Variants in ELP1 observed in about 807,000 individuals in gnomAD.
ELP1 encodes the protein elongator acetyltransferase complex subunit 1, also known as elongator complex protein 1.
A neutral mutation model predicts 183.2 loss-of-function variants in ELP1; 131 were observed. The observed-to-expected ratio is 0.72, with a 90% CI of 0.62 to 0.83. The LOEUF (loss-of-function observed/expected upper bound fraction) is 0.83. Ranked by LOEUF, ELP1 falls within the 40% of genes least tolerant of loss-of-function variation. The probability of loss-of-function intolerance (pLI) is 0.00; values close to 1 mark genes in which losing one functional copy is unlikely to be tolerated. For missense variants in ELP1, 1,550 were observed against 1,594.9 expected, an observed-to-expected ratio of 0.97 and a Z score of 0.48; for synonymous variants, 555 against 569.0, an observed-to-expected ratio of 0.98 and a Z score of 0.35.
chr9:108,895,013 G>A (rs906525079), intron 25 of ELP1, among the ~76,000 whole-genome samples: 8 of 152,132 alleles, frequency 5.3e-5, no homozygotes, highest in Admixed American at 3.3e-4. Flanking sequence ...CTGGGAGGCC[G>A]AGGCAGATGG....
chr9:108,896,579 C>A lies in ELP1; in HGVS notation c.2653G>T (p.Val885Leu). The change falls in exon 25 of 37, where the codon GTA becomes TTA. Residue 885 changes from valine (V) to leucine (L), a missense_variant. Val to Leu is a conservative substitution (Grantham distance 32, BLOSUM62 1). Coordinates refer to ENST00000374647, the MANE Select transcript of ELP1 (RefSeq NM_003640.5). ...TGATCATATAATTCATTAACATCTA[C>A]CAGATGCAGCAAATATTTCAAGGCC... is the stretch of plus-strand genomic sequence containing the variant. Reference protein sequence around the residue: ...EEALKYLLHLVDVNELYDHSL... With the variant: ...EEALKYLLHLLDVNELYDHSL... 5 of 1,613,570 alleles carry A rather than the reference C, an allele frequency of 3.1e-6. No homozygotes were observed. Among genetic ancestry groups the A allele is most frequent in the Non-Finnish European group, 4.2e-6 (5 of 1,179,494 alleles).
intron 6 of ELP1, among the ~76,000 whole-genome samples, chr9:108,922,128 T>C (rs190889687): frequency 1.3e-5 from 2 of 152,364 alleles, no homozygotes; most frequent in East Asian, 3.9e-4. Flanking sequence ...AGGGTAAATA[T>C]GGCACATCTT....
In ELP1 at chr9:108,879,519, A is replaced by G; in HGVS notation, c.3499T>C (p.Ser1167Pro). The change falls in exon 33 of 37, where the codon TCT (serine) becomes CCT (proline). Residue 1167 changes from serine to proline, a missense_variant. Ser to Pro is a moderately conservative substitution (Grantham distance 74). Transcript: ENST00000374647. ...CCACTCACGACACTGCTAGTTTCAG[A>G]GAAGAGGTCTGACTCTTGCCCGTGG... is the stretch of plus-strand genomic sequence containing the variant. ...VPHGQESDLF[S>P]ETSSVVSGSE... 7 of 1,614,166 alleles carry G rather than the reference A, an allele frequency of 4.3e-6. No individual in the cohort carries two copies. The highest frequency in any genetic ancestry group is 5.9e-6 in the Non-Finnish European group (7 of 1,180,004).
chr9:108,897,731 A>G (rs540924902), intron 22 of ELP1, among the ~76,000 whole-genome samples: 37 of 152,362 alleles, frequency 2.4e-4, no homozygotes, highest in Non-Finnish European at 2.8e-4. Context: ...TAAAAAATTC[A>G]GAAGAGTAGT....
intron 3 of ELP1, 110 bp downstream of exon 3, chr9:108,929,659 A>G: frequency 1.8e-6 from 2 of 1,096,024 alleles, no homozygotes; most frequent in South Asian, 2.7e-5. Context: ...GCAAAAATTA[A>G]TTAGCAAAAG....
intron 15 of ELP1, 73 bp downstream of exon 15, chr9:108,903,490 T>A (rs1271729710): frequency 2.0e-5 from 21 of 1,032,088 alleles, no homozygotes; most frequent in African/African-American, 1.6e-5. Context: ...ACTGACAAGA[T>A]ACAAGTACAT....
chr9:108,882,234 G>A, intron 29 of ELP1, 47 bp from the exon 30 acceptor site: 1 of 1,558,634 alleles, frequency 6.4e-7, no homozygotes, highest in Non-Finnish European at 8.8e-7. Flanking sequence ...GAGCATGTCA[G>A]ATGTCATCAC....
At chr9:108,899,162 G>A (rs919803150) in intron 20 of ELP1, among the ~76,000 whole-genome samples, 1 of 151,876 alleles carries the variant, frequency 6.6e-6, no homozygotes, top group Non-Finnish European at 1.5e-5. Context: ...AATTAGCCAG[G>A]CGTGGTGCAC....
intron 29 of ELP1, among the ~76,000 whole-genome samples, chr9:108,885,745 T>C (rs1828100313): frequency 6.6e-6 from 1 of 152,190 alleles, no homozygotes; most frequent in Non-Finnish European, 1.5e-5. Context: ...CTCTGTTCCA[T>C]TTTTTCCCAA....
chr9:108,868,485 A>G lies in ELP1; in HGVS notation c.*630T>C. On this transcript the variant is annotated 3_prime_UTR_variant, in exon 37 of 37. Transcript: ENST00000374647. ...AGAAATTCTAATCTGTTCTAGCTCT[A>G]ACATTGCTAACTCTCTAGCAGAAAA... is the stretch of plus-strand genomic sequence containing the variant. 5.2e-6 allele frequency: 2 copies of G among 383,952 alleles called. No homozygotes were observed. Among genetic ancestry groups the G allele is most frequent in the Non-Finnish European group, 4.6e-6 (1 of 215,988 alleles). The allele number at this position is 383,952 out of a possible 1,614,324, so 23.8% of individuals were successfully genotyped here.
At chr9:108,872,005 T>C (rs1327232848) in intron 36 of ELP1, among the ~76,000 whole-genome samples, 1 of 152,220 alleles carries the variant, frequency 6.6e-6, no homozygotes. Flanking sequence ...CTATAGTACA[T>C]ATCGAGCAAG....
chr9:108,920,628 G>A (rs1293847090), intron 6 of ELP1, among the ~76,000 whole-genome samples: 1 of 151,230 alleles, frequency 6.6e-6, no homozygotes, highest in Non-Finnish European at 1.5e-5. Flanking sequence ...GGAGAGCCCA[G>A]GCAGGGAACA....
At chr9:108,921,951 T>C (rs997464120) in intron 6 of ELP1, among the ~76,000 whole-genome samples, 1 of 152,350 alleles carries the variant, frequency 6.6e-6, no homozygotes, top group Admixed American at 6.5e-5. Flanking sequence ...TCAACCCTTG[T>C]AAGGAGACAT....
At chr9:108,910,174 A>G (rs1265393834) in intron 12 of ELP1, among the ~76,000 whole-genome samples, 2 of 152,136 alleles carry the variant, frequency 1.3e-5, no homozygotes, top group Admixed American at 1.3e-4. Flanking sequence ...TTTTAAAGCT[A>G]TTTTGAAAAG....
chr9:108,890,883 C>T (rs1828303328), intron 28 of ELP1, among the ~76,000 whole-genome samples: 1 of 152,146 alleles, frequency 6.6e-6, no homozygotes, highest in Admixed American at 6.5e-5. Flanking sequence ...CTAACTTCTC[C>T]CCACTCTCCT....
rs1468806654 is a variant in ELP1, at chr9:108,878,272, T to C, written c.3701-123A>G. On this transcript the variant is annotated intron_variant, in intron 34 of 36. Transcript: ENST00000374647. ...CCCACTGCAGGTCCTTTCTCCCACA[T>C]TATCTTTTTTCTTCCCAAATGCTGG... is the stretch of plus-strand genomic sequence containing the variant. The C allele has an allele frequency of 9.8e-6, 8 of 815,836 alleles. No homozygotes were observed. The East Asian group carries it at 2.1e-4, about 21-fold the overall frequency. The allele number at this position is 815,836 out of a possible 1,614,324, so 50.5% of individuals were successfully genotyped here. A position where few individuals can be genotyped will look rare whatever the true frequency, so the allele number is the denominator to read the frequency against.
rs754622407 is a variant in ELP1 at position 108,894,031 on chromosome 9, A to C, written c.2772T>G (p.Leu924=). The C allele has an allele frequency of 2.6e-6, 4 of 1,557,200 alleles. No individual in the cohort carries two copies. Among genetic ancestry groups the C allele is most frequent in the Admixed American group, 1.7e-5 (1 of 59,840 alleles). Residue 924 remains leucine (L), a synonymous_variant, in exon 26 of 37, where the codon CTT becomes CTG. Coordinates refer to ENST00000374647, the MANE Select transcript of ELP1 (RefSeq NM_003640.5). ...GCTGATAATTAGTTTCCATTTTCTTAAGTGTATTAAGAAATGGAAGATATT... is the reference window on the plus strand; with the variant it reads ...GCTGATAATTAGTTTCCATTTTCTTCAGTGTATTAAGAAATGGAAGATATT... ...PKEYLPFLNT[L]KKMETNYQRF... is the part of the protein sequence containing the mutation.
At chr9:108,900,664 A>G (rs906630581) in intron 18 of ELP1, among the ~76,000 whole-genome samples, 2 of 152,232 alleles carry the variant, frequency 1.3e-5, no homozygotes, top group African/African-American at 4.8e-5. Context: ...TCTTAGCATT[A>G]TCAGTGTACT....
rs761461883 is a variant in ELP1 at position 108,879,527 on chromosome 9, T to A, written c.3491A>T (p.Asp1164Val). The A allele has an allele frequency of 6.2e-7, 1 of 1,614,092 alleles. No individual in the cohort carries two copies. The highest frequency in any genetic ancestry group is 1.1e-5 in the South Asian group (1 of 91,080). The change falls in exon 33 of 37, where the codon GAC becomes GTC. Residue 1164 changes from aspartate to valine, a missense_variant. By Grantham distance (152) the Asp-to-Val change is radical. Coordinates refer to ENST00000374647, the MANE Select transcript of ELP1 (RefSeq NM_003640.5). ...GACACTGCTAGTTTCAGAGAAGAGG[T>A]CTGACTCTTGCCCGTGGGGTACCTC... ...DDEVPHGQESDLFSETSSVVS... is the reference protein window; with the variant it reads ...DDEVPHGQESVLFSETSSVVS...
Sources: gnomAD v4.1 joint callset for allele counts (sites outside exome capture counted in the v4.1 genomes callset) on GRCh38, gnomAD v4.1.1 for gene constraint, MANE v1.5 for transcripts, NCBI Gene and HGNC (gene_info 2026-07-23, HGNC 2026-07-21) for gene names.